Variants in CPT2 observed in about 807,000 individuals in gnomAD.
CPT2 encodes carnitine palmitoyltransferase 2.
In CPT2, 37 loss-of-function variants were observed where a neutral mutation model predicts 48.6. That is an observed-to-expected ratio of 0.76 (90% CI 0.59 to 1.00). CPT2 has a LOEUF of 1.00. Among genes scored for constraint, CPT2 ranks in the 50% least tolerant of loss-of-function variants. The probability of loss-of-function intolerance (pLI) is 0.00; values close to 1 mark genes in which losing one functional copy is unlikely to be tolerated. For synonymous variants in CPT2, 319 were observed against 326.9 expected, an observed-to-expected ratio of 0.98 and a Z score of 0.26; for missense variants, 772 against 825.6, an observed-to-expected ratio of 0.94 and a Z score of 0.80.
At position 53,211,131 on chromosome 1, in the gene CPT2, A is replaced by G; in HGVS notation, c.1457A>G (p.Tyr486Cys). The G allele has an allele frequency of 3.7e-6, 6 of 1,613,928 alleles. No homozygotes were observed. The highest frequency in any genetic ancestry group is 5.1e-6 in the Non-Finnish European group (6 of 1,179,902). ...LRQYGQTVAT[Y>C]ESCSTAAFKH... The stretch of plus-strand genomic sequence containing the variant: ...CAGTACGGGCAGACAGTGGCCACCT[A>G]CGAGTCCTGTAGCACTGCCGCATTC... The change falls in exon 4 of 5, where the codon TAC (tyrosine) becomes TGC (cysteine). Residue 486 changes from tyrosine to cysteine, a missense_variant. Coordinates refer to ENST00000371486, the MANE Select transcript of CPT2 (RefSeq NM_000098.3).
intron 3 of CPT2, among the ~76,000 whole-genome samples, chr1:53,204,957 C>T (rs1248842446): frequency 6.6e-6 from 1 of 152,174 alleles, no homozygotes; most frequent in African/African-American, 2.4e-5. Context: ...ATAAATTACC[C>T]AGTCTCAGGT....
At position 53,210,086 on chromosome 1, in the gene CPT2, A is replaced by C; in HGVS notation, c.412A>C (p.Asn138His). 6.2e-7 allele frequency: 1 copy of C among 1,613,968 alleles called. No homozygotes were observed. Among genetic ancestry groups the C allele is most frequent in the Non-Finnish European group, 8.5e-7 (1 of 1,180,012 alleles). ...GAACTTTAATCCATTTATGGCTTTC[A>C]ATCCTGACCCAAAATCTGAGTATAA... is the stretch of plus-strand genomic sequence containing the variant. ...VLNFNPFMAF[N>H]PDPKSEYNDQ... Residue 138 changes from asparagine (N) to histidine (H), a missense_variant, in exon 4 of 5, where the codon AAT (asparagine) becomes CAT (histidine). Physicochemically the swap from Asn to His is moderately conservative, Grantham distance 68. Transcript: ENST00000371486.
rs778477892 is a variant in CPT2 at position 53,210,500 on chromosome 1, A to C, written c.826A>C (p.Ile276Leu). 36 of 1,613,980 alleles carry C rather than the reference A, an allele frequency of 2.2e-5. No individual in the cohort carries two copies. ...GGAAATCCAGGCACATCTGAAGTAC[A>C]TTCTCTCAGACAGCAGCCCCGCCCC... ...PSEIQAHLKY[I>L]LSDSSPAPEF... The change falls in exon 4 of 5, where the codon ATT (isoleucine) becomes CTT (leucine). Residue 276 changes from isoleucine to leucine, a missense_variant. Transcript: ENST00000371486.
At chr1:53,211,521 G>GC in intron 4 of CPT2, 1 of 593,780 alleles carries the variant, frequency 1.7e-6, no homozygotes, top group South Asian at 2.1e-5. Context: ...TGCCTCCTAA[G>GC]CAGGGGTGGG....
intron 4 of CPT2, among the ~76,000 whole-genome samples, chr1:53,212,374 A>T (rs977061357): frequency 1.3e-5 from 2 of 152,052 alleles, no homozygotes; most frequent in Non-Finnish European, 2.9e-5. Flanking sequence ...AATTTTTAAA[A>T]TTTTTTGTAG....
intron 3 of CPT2, chr1:53,209,218 A>G (rs1200149213): frequency 6.6e-6 from 1 of 152,086 alleles, no homozygotes; most frequent in African/African-American, 2.4e-5. Context: ...AAAATTAGCC[A>G]GGCTGGTGGT....
At chr1:53,204,697 A>C (rs1460806545) in intron 3 of CPT2, among the ~76,000 whole-genome samples, 1 of 152,102 alleles carries the variant, frequency 6.6e-6, no homozygotes, top group African/African-American at 2.4e-5. Flanking sequence ...CCACGTGTTG[A>C]AGGAGGGACC....
chr1:53,210,321 A>T lies in CPT2; in HGVS notation c.647A>T (p.Gln216Leu). The change falls in exon 4 of 5, where the codon CAG becomes CTG. Residue 216 changes from glutamine (Q) to leucine (L), a missense_variant. By Grantham distance (113) the Gln-to-Leu change is moderately radical. Coordinates refer to ENST00000371486, the MANE Select transcript of CPT2 (RefSeq NM_000098.3). ...LVNAYPLDMS[Q>L]YFRLFNSTRL... ...AATGCGTATCCCCTGGATATGTCCC[A>T]GTATTTTCGGCTTTTCAACTCAACT... The T allele has an allele frequency of 6.2e-7, 1 of 1,614,160 alleles. No homozygotes were observed. The highest frequency in any genetic ancestry group is 8.5e-7 in the Non-Finnish European group (1 of 1,180,036).
At chr1:53,201,304 T>A (rs760431685) in intron 2 of CPT2, 4 of 182,638 alleles carry the variant, frequency 2.2e-5, no homozygotes, top group Admixed American at 5.4e-5. Context: ...TGTGGGTCCT[T>A]AATTAAATAT....
chr1:53,211,022 A>T lies in CPT2; in HGVS notation c.1348A>T (p.Arg450Ter), dbSNP rs755395180. 1.9e-6 allele frequency: 3 copies of T among 1,614,064 alleles called. No homozygotes were observed. Among genetic ancestry groups the T allele is most frequent in the Non-Finnish European group, 2.5e-6 (3 of 1,180,042 alleles). Residue 450 changes from arginine (R) to a stop codon, truncating the protein, a stop_gained, in exon 4 of 5, where the codon AGA (arginine) becomes TGA (stop). Transcript: ENST00000371486. LOFTEE classifies it high-confidence loss of function. The part of the protein sequence containing the change: ...TLTIDCVQFQ[R>*]GGKEFLKKQK... ...CACTATTGACTGCGTCCAGTTTCAG[A>T]GAGGAGGCAAAGAATTCCTGAAGAA...
At chr1:53,198,010 C>CAG (rs1645334294) in intron 1 of CPT2, among the ~76,000 whole-genome samples, 1 of 152,136 alleles carries the variant, frequency 6.6e-6, no homozygotes, top group South Asian at 2.1e-4. Context: ...CCCTTCCCTC[C>CAG]CCCAGTACTT....
intron 4 of CPT2, chr1:53,211,616 T>G: frequency 2.4e-6 from 1 of 416,488 alleles, no homozygotes; most frequent in Non-Finnish European, 4.3e-6. Flanking sequence ...TTTTTTTTTT[T>G]TTGGAGACAA....
chr1:53,212,870 T>C (rs2100277559), intron 4 of CPT2: 1 of 451,902 alleles, frequency 2.2e-6, no homozygotes, highest in Non-Finnish European at 3.9e-6. Flanking sequence ...TCCATTTTGT[T>C]CCACTGACTC....
chr1:53,210,202 C>G lies in CPT2; in HGVS notation c.528C>G (p.Phe176Leu). 6.2e-7 allele frequency: 1 copy of G among 1,614,152 alleles called. No homozygotes were observed. Reference protein sequence around the residue: ...LRAGLLEPEVFHLNPAKSDTI... With the variant: ...LRAGLLEPEVLHLNPAKSDTI... ...CTGGCCTTCTGGAGCCAGAAGTGTTCCACTTGAACCCTGCAAAAAGTGACA... is the reference window on the plus strand; with the variant it reads ...CTGGCCTTCTGGAGCCAGAAGTGTTGCACTTGAACCCTGCAAAAAGTGACA... The change falls in exon 4 of 5, where the codon TTC becomes TTG. Residue 176 changes from phenylalanine to leucine, a missense_variant. Physicochemically the swap from Phe to Leu is conservative, Grantham distance 22. Coordinates refer to ENST00000371486, the MANE Select transcript of CPT2 (RefSeq NM_000098.3).
chr1:53,210,981 C>G lies in CPT2; in HGVS notation c.1307C>G (p.Ala436Gly). The G allele has an allele frequency of 1.9e-6, 3 of 1,614,168 alleles. No individual in the cohort carries two copies. The highest frequency in any genetic ancestry group is 2.5e-6 in the Non-Finnish European group (3 of 1,180,032). ...GITAAKEKFD[A>G]TMKTLTIDCV... is the part of the protein sequence containing the mutation. Reference sequence around the variant, plus strand: ...ACAGCTGCTAAGGAAAAGTTTGATGCCACCATGAAAACCCTCACTATTGAC... The same window carrying G: ...ACAGCTGCTAAGGAAAAGTTTGATGGCACCATGAAAACCCTCACTATTGAC... Residue 436 changes from alanine (A) to glycine (G), a missense_variant, in exon 4 of 5, where the codon GCC becomes GGC. By Grantham distance (60) the Ala-to-Gly change is moderately conservative. Coordinates refer to ENST00000371486, the MANE Select transcript of CPT2 (RefSeq NM_000098.3).
At chr1:53,213,168 G>A in intron 4 of CPT2, 96 bp from the exon 5 acceptor site, 2 of 1,195,196 alleles carry the variant, frequency 1.7e-6, no homozygotes, top group South Asian at 1.2e-5. Flanking sequence ...TCTCAAGGAT[G>A]CTGTGAGGGG....
Position 53,196,909 on chromosome 1 carries a change from T to C in CPT2, c.-35T>C, listed in dbSNP as rs1019543604. The C allele has an allele frequency of 2.0e-6, 3 of 1,536,860 alleles. No individual in the cohort carries two copies. Among genetic ancestry groups the C allele is most frequent in the Admixed American group, 1.9e-5 (1 of 53,478 alleles). ...GTGTTTAGACTCCAGAACTCCCCAC[T>C]TGCCGCGTTCTCGCCGCCGCAGGCT... is the stretch of plus-strand genomic sequence containing the variant. On this transcript the variant is annotated 5_prime_UTR_variant, in exon 1 of 5. Transcript: ENST00000371486.
At chr1:53,199,369 T>C (rs909984181) in intron 1 of CPT2, among the ~76,000 whole-genome samples, 2 of 152,160 alleles carry the variant, frequency 1.3e-5, no homozygotes, top group African/African-American at 4.8e-5. Flanking sequence ...TTTGTATCTT[T>C]TATAGAGACA....
In CPT2 at chr1:53,196,939, G is replaced by C; in HGVS notation, c.-5G>C. On this transcript the variant is annotated 5_prime_UTR_variant, in exon 1 of 5. Transcript: ENST00000371486. ...GCGTTCTCGCCGCCGCAGGCTCCCG[G>C]GACGATGGTGCCCCGCCTGCTGCTG... 1 of 1,545,498 alleles carries C rather than the reference G, an allele frequency of 6.5e-7. No homozygotes were observed. The highest frequency in any genetic ancestry group is 1.4e-5 in the African/African-American group (1 of 71,388).
Sources: gnomAD v4.1 joint callset for allele counts (sites outside exome capture counted in the v4.1 genomes callset) on GRCh38, gnomAD v4.1.1 for gene constraint, MANE v1.5 for transcripts, NCBI Gene and HGNC (gene_info 2026-07-23, HGNC 2026-07-21) for gene names.